The following SPG7 variants were observed in gnomAD, a reference collection of about 807,000 sequenced individuals.
The protein encoded by SPG7 is SPG7 matrix AAA peptidase subunit, paraplegin, also known as mitochondrial inner membrane m-AAA protease component paraplegin.
SPG7 carries 103 observed loss-of-function variants against 81.9 expected under a neutral mutation model. That is an observed-to-expected ratio of 1.26 (90% CI 1.07 to 1.48). SPG7 has a LOEUF of 1.48. Ranked by LOEUF, SPG7 falls within the 40% of genes most tolerant of loss-of-function variation. SPG7 has a pLI of 0.00. For missense variants in SPG7, 1,241 were observed against 1,087.3 expected (o/e 1.14, Z -1.99); for synonymous variants, 534 against 444.2 (o/e 1.20, Z -2.54).
chr16:89,536,784 A>G (rs760393022), intron 9 of SPG7: 2 of 1,613,748 alleles, frequency 1.2e-6, no homozygotes, highest in Non-Finnish European at 1.7e-6. Context: ...TTGACCAGCT[A>G]CCCTCCCAGG....
chr16:89,537,243 G>C (rs1009690639), intron 9 of SPG7: 2 of 1,407,998 alleles, frequency 1.4e-6, no homozygotes, highest in African/African-American at 1.4e-5. Context: ...AGCCTTGTTG[G>C]TTACGTCAGC....
At chr16:89,524,417 C>G (rs8051680) in intron 4 of SPG7, among the ~76,000 whole-genome samples, 170 bp downstream of exon 4, 3 of 152,014 alleles carry the variant, frequency 2.0e-5, no homozygotes, top group Non-Finnish European at 4.4e-5. Flanking sequence ...GACCTCAGCC[C>G]ATTGATTTGC....
At chr16:89,535,303 G>A (rs1389082439) in intron 9 of SPG7, among the ~76,000 whole-genome samples, 4 of 152,170 alleles carry the variant, frequency 2.6e-5, no homozygotes, top group Non-Finnish European at 5.9e-5. Context: ...TGGGTGCCCC[G>A]CGTTCCCGTC....
rs2058261721 is a variant in SPG7, at chr16:89,526,452, A to G, written c.742A>G (p.Thr248Ala). ...CAGGATCCCAGTTTCCTACAAGCGAACAGGATTCTTTGGAAAGTATGTTGG... is the reference window on the plus strand; with the variant it reads ...CAGGATCCCAGTTTCCTACAAGCGAGCAGGATTCTTTGGAAAGTATGTTGG... ...KDRIPVSYKR[T>A]GFFGNALYSV... Residue 248 changes from threonine to alanine, a missense_variant, in exon 5 of 17, where the codon ACA (threonine) becomes GCA (alanine). Thr to Ala is a moderately conservative substitution (Grantham distance 58). Transcript: ENST00000645818. 2 of 1,614,084 alleles carry G rather than the reference A, an allele frequency of 1.2e-6. No homozygotes were observed. Among genetic ancestry groups the G allele is most frequent in the East Asian group, 2.2e-5 (1 of 44,904 alleles).
chr16:89,527,713 G>A (rs1418300118), intron 5 of SPG7, among the ~76,000 whole-genome samples: 1 of 152,152 alleles, frequency 6.6e-6, no homozygotes, highest in Admixed American at 6.6e-5. Context: ...CAAATGAGGG[G>A]CCAGCGGGTA....
intron 12 of SPG7, chr16:89,549,665 C>G (rs756768578): frequency 6.9e-5 from 12 of 174,296 alleles, no homozygotes; most frequent in Non-Finnish European, 1.2e-4. Flanking sequence ...GAGACCCTGT[C>G]ACTGACAGAA....
chr16:89,546,502 A>AC (rs1462960282), intron 10 of SPG7, 156 bp from the exon 11 acceptor site: 6 of 697,574 alleles, frequency 8.6e-6, no homozygotes, highest in Admixed American at 2.0e-5. Context: ...ACTTTGCGAA[A>AC]CCCCGTCTCT....
chr16:89,528,217 C>T (rs990061986), intron 5 of SPG7, among the ~76,000 whole-genome samples: 1 of 151,730 alleles, frequency 6.6e-6, no homozygotes, highest in African/African-American at 2.4e-5. Context: ...GACGAAACCC[C>T]GTCTCTACTA....
intron 3 of SPG7, among the ~76,000 whole-genome samples, chr16:89,515,665 A>C (rs1021777514): frequency 2.0e-5 from 3 of 150,296 alleles, no homozygotes; most frequent in Admixed American, 2.0e-4. Context: ...ACTTGAGCCC[A>C]GGAGTTTAAG....
Position 89,544,872 on chromosome 16 carries a change from C to T in SPG7, c.1449+100C>T, listed in dbSNP as rs1318525531. On this transcript the variant is annotated intron_variant, in intron 10 of 16. Transcript: ENST00000645818. ...TCTAAGACACTTCTTGGTGTGAAGCCTGTCACAGCCCCACAGGTGCTGGCA... is the reference window on the plus strand; with the variant it reads ...TCTAAGACACTTCTTGGTGTGAAGCTTGTCACAGCCCCACAGGTGCTGGCA... 9 of 1,434,154 alleles carry T rather than the reference C, an allele frequency of 6.3e-6. No homozygotes were observed. In the African/African-American group the frequency reaches 8.4e-5, roughly 13 times the overall value. The allele number at this position is 1,434,154 out of a possible 1,614,324, so 88.8% of individuals were successfully genotyped here.
chr16:89,543,642 G>C (rs1209918583), intron 9 of SPG7: 1 of 138,936 alleles, frequency 7.2e-6, no homozygotes, highest in Non-Finnish European at 1.6e-5. Flanking sequence ...CTGGCCACCA[G>C]TGGATTCTTT....
At position 89,556,966 on chromosome 16, in the gene SPG7, C is replaced by G. The variant is rs758721226; in HGVS notation, c.2261C>G (p.Pro754Arg). ...EALIGPPPHG[P>R]KKMIAPQRWI... Reference sequence around the variant, plus strand: ...CTCATTGGCCCGCCGCCCCATGGGCCGAAGAAAATGATCGCACCGCAGAGG... The same window carrying G: ...CTCATTGGCCCGCCGCCCCATGGGCGGAAGAAAATGATCGCACCGCAGAGG... The change falls in exon 17 of 17, where the codon CCG becomes CGG. Residue 754 changes from proline to arginine, a missense_variant. Coordinates refer to ENST00000645818, the MANE Select transcript of SPG7 (RefSeq NM_003119.4). 1.9e-6 allele frequency: 3 copies of G among 1,613,910 alleles called. No individual in the cohort carries two copies. Among genetic ancestry groups the G allele is most frequent in the African/African-American group, 2.7e-5 (2 of 74,918 alleles).
chr16:89,524,208 A>AGTCTACCAC lies in SPG7; in HGVS notation c.586_587insACGTCTACC (p.Tyr195_Leu196insHisValTyr). 1 of 1,613,390 alleles carries AGTCTACCAC rather than the reference A, an allele frequency of 6.2e-7. No individual in the cohort carries two copies. On this transcript the variant is annotated inframe_insertion, in exon 4 of 17. Transcript: ENST00000645818. Reference sequence around the variant, plus strand: ...TGGTGCCTGAGAGCGACGTGGTGGAAGTCTACCTGCACCCTGGAGCCGTGG... The same window carrying AGTCTACCAC: ...TGGTGCCTGAGAGCGACGTGGTGGAAGTCTACCACGTCTACCTGCACCCTGGAGCCGTGG...
At chr16:89,553,417 C>T (rs1597664542) in intron 14 of SPG7, 1 of 530,110 alleles carries the variant, frequency 1.9e-6, no homozygotes, top group South Asian at 2.1e-5. Context: ...ATTGAAGCGG[C>T]TTCATTGTTC....
At chr16:89,530,647 T>C (rs776280830) in intron 6 of SPG7, 36 bp from the exon 7 acceptor site, 20 of 1,613,818 alleles carry the variant, frequency 1.2e-5, no homozygotes, top group South Asian at 2.2e-5. Flanking sequence ...TTTCCTGACT[T>C]CGCCCAGCTC....
chr16:89,537,656 A>G, intron 9 of SPG7: 1 of 963,674 alleles, frequency 1.0e-6, no homozygotes, highest in Non-Finnish European at 1.2e-6. Context: ...TTGGGACTCA[A>G]GGCTTGAGTC....
intron 9 of SPG7, chr16:89,543,908 A>T (rs2058531863): frequency 6.6e-6 from 1 of 152,540 alleles, no homozygotes; most frequent in African/African-American, 2.4e-5. Context: ...CGGCCTCCCA[A>T]AGTTCTGGGA....
At chr16:89,552,780 A>G (rs987185356) in intron 13 of SPG7, 199 bp from the exon 14 acceptor site, 1 of 623,712 alleles carries the variant, frequency 1.6e-6, no homozygotes, top group South Asian at 1.8e-5. Context: ...GTGTGTGAAC[A>G]GGCACCTGTG....
Position 89,529,499 on chromosome 16 carries a change from A to G in SPG7, c.781A>G (p.Thr261Ala). Residue 261 changes from threonine (T) to alanine (A), a missense_variant, in exon 6 of 17, where the codon ACG becomes GCG. Transcript: ENST00000645818. ...CAGTGCCCTGTACTCTGTGGGGATG[A>G]CGGCAGTGGGCCTGGCCATCCTGTG... Reference protein sequence around the residue: ...FGNALYSVGMTAVGLAILWYV... With the variant: ...FGNALYSVGMAAVGLAILWYV... 6.2e-7 allele frequency: 1 copy of G among 1,613,670 alleles called. No individual in the cohort carries two copies. The highest frequency in any genetic ancestry group is 8.5e-7 in the Non-Finnish European group (1 of 1,179,750).
Sources: gnomAD v4.1 joint callset for allele counts (sites outside exome capture counted in the v4.1 genomes callset) on GRCh38, gnomAD v4.1.1 for gene constraint, MANE v1.5 for transcripts, NCBI Gene and HGNC (gene_info 2026-07-23, HGNC 2026-07-21) for gene names.